Variants in GRIN2B observed in about 807,000 individuals in gnomAD.
GRIN2B encodes the protein glutamate receptor ionotropic, NMDA 2B.
A neutral mutation model predicts 114.5 loss-of-function variants in GRIN2B; 5 were observed. That is an observed-to-expected ratio of 0.04 (90% CI 0.02 to 0.09). The LOEUF is 0.09. Among genes scored for constraint, GRIN2B ranks in the 10% least tolerant of loss-of-function variants. The pLI, the probability that GRIN2B is intolerant of heterozygous loss-of-function variation, is 1.00. For synonymous variants in GRIN2B, 787 were observed against 745.1 expected (o/e 1.06, Z -0.92); for missense variants, 1,108 against 1,943.5 (o/e 0.57, Z 8.08).
At chr12:13,918,003 C>A (rs1034366212) in intron 2 of GRIN2B, among the ~76,000 whole-genome samples, 1 of 151,990 alleles carries the variant, frequency 6.6e-6, no homozygotes, top group African/African-American at 2.4e-5. Flanking sequence ...GGTCAGCTGG[C>A]AATATCAATG....
chr12:13,898,331 G>A (rs1035164285), intron 2 of GRIN2B, among the ~76,000 whole-genome samples: 1 of 152,218 alleles, frequency 6.6e-6, no homozygotes, highest in Non-Finnish European at 1.5e-5. Context: ...CCACTATGCT[G>A]TGTGATTTAC....
chr12:13,789,449 G>C (rs1864279920), intron 3 of GRIN2B, among the ~76,000 whole-genome samples: 1 of 152,124 alleles, frequency 6.6e-6, no homozygotes. Flanking sequence ...TGCATCCCCT[G>C]GGCAAGTTTT....
chr12:13,645,480 G>A (rs1177960455), intron 5 of GRIN2B, among the ~76,000 whole-genome samples: 2 of 152,090 alleles, frequency 1.3e-5, no homozygotes, highest in Admixed American at 6.6e-5. Context: ...ATGTGACACA[G>A]AGACATGAAG....
At chr12:13,884,572 T>C in intron 2 of GRIN2B, among the ~76,000 whole-genome samples, 1 of 152,206 alleles carries the variant, frequency 6.6e-6, no homozygotes, top group Non-Finnish European at 1.5e-5. Flanking sequence ...AATGATAATT[T>C]TTTTTCTCCT....
rs1272857057 is a variant in GRIN2B, at chr12:13,792,997, A to C, written c.412-39082T>G. Among the ~76,000 whole-genome samples, 6 of 152,352 alleles carry C rather than the reference A, an allele frequency of 3.9e-5. No individual in the cohort carries two copies. The East Asian group carries it at 1.2e-3, about 29-fold the overall frequency. On this transcript the variant is annotated intron_variant, in intron 3 of 13. Coordinates refer to ENST00000609686, the MANE Select transcript of GRIN2B (RefSeq NM_000834.5). ...ATCTGGACTCTTAGTAATATTATAC[A>C]ATCACAAAGTGGTGCAGCCTGGGGA...
chr12:13,552,103 C>T lies in GRIN2B; in HGVS notation c.*10680G>A, dbSNP rs533179718. ...GTCAGATTTCAGAGACTATGAATCTCTTACTGCAAGGGGGACAGATGGAGT... is the reference window on the plus strand; with the variant it reads ...GTCAGATTTCAGAGACTATGAATCTTTTACTGCAAGGGGGACAGATGGAGT... On this transcript the variant is annotated 3_prime_UTR_variant, in exon 14 of 14. Transcript: ENST00000609686. The T allele has an allele frequency of 6.6e-6, 1 of 152,274 alleles. No individual in the cohort carries two copies. Among genetic ancestry groups the T allele is most frequent in the African/African-American group, 2.4e-5 (1 of 41,534 alleles). 9.4% of individuals were successfully genotyped at this position (152,274 alleles called of 1,614,324 possible).
intron 4 of GRIN2B, among the ~76,000 whole-genome samples, chr12:13,752,525 A>T (rs1298880248): frequency 6.6e-6 from 1 of 152,214 alleles, no homozygotes; most frequent in African/African-American, 2.4e-5. Context: ...AATTTTTATA[A>T]TGTACTTACA....
At chr12:13,677,930 A>G (rs1351912671) in intron 4 of GRIN2B, among the ~76,000 whole-genome samples, 1 of 152,144 alleles carries the variant, frequency 6.6e-6, no homozygotes, top group Non-Finnish European at 1.5e-5. Flanking sequence ...AACTTGATGG[A>G]TTAAAAAACA....
chr12:13,671,008 T>C (rs993542558), intron 5 of GRIN2B, among the ~76,000 whole-genome samples: 5 of 151,950 alleles, frequency 3.3e-5, no homozygotes, highest in African/African-American at 1.2e-4. Flanking sequence ...TTCAGAGGAG[T>C]ACATAAGAAA....
chr12:13,979,000 C>G (rs1401140179), intron 2 of GRIN2B, among the ~76,000 whole-genome samples: 2 of 152,162 alleles, frequency 1.3e-5, no homozygotes, highest in Non-Finnish European at 2.9e-5. Flanking sequence ...CTAATACATG[C>G]AAACAGCACA....
chr12:13,611,972 T>C (rs1949370836), intron 8 of GRIN2B, 122 bp from the exon 9 acceptor site: 3 of 977,958 alleles, frequency 3.1e-6, no homozygotes, highest in Non-Finnish European at 4.9e-6. Flanking sequence ...TTGTCTGCCT[T>C]CAGGAAGCCA....
intron 4 of GRIN2B, among the ~76,000 whole-genome samples, chr12:13,705,311 C>A (rs751160478): frequency 6.6e-6 from 1 of 152,054 alleles, no homozygotes; most frequent in African/African-American, 2.4e-5. Flanking sequence ...ATCATCATGT[C>A]TATTATTTCA....
At chr12:13,687,612 G>C (rs1192150262) in intron 4 of GRIN2B, among the ~76,000 whole-genome samples, 2 of 152,146 alleles carry the variant, frequency 1.3e-5, no homozygotes, top group Non-Finnish European at 2.9e-5. Flanking sequence ...ACATGACCAA[G>C]TCCAAGCCAG....
chr12:13,818,643 G>A (rs535294138), intron 3 of GRIN2B, among the ~76,000 whole-genome samples: 1 of 152,110 alleles, frequency 6.6e-6, no homozygotes, highest in Non-Finnish European at 1.5e-5. Context: ...CAACTAAAAG[G>A]TGAGTAAAAA....
At chr12:13,684,737 T>C (rs1300653700) in intron 4 of GRIN2B, among the ~76,000 whole-genome samples, 2 of 152,200 alleles carry the variant, frequency 1.3e-5, no homozygotes, top group African/African-American at 4.8e-5. Flanking sequence ...GATTAGGTGT[T>C]CAGTATGTTG....
rs1417730145 is a variant in GRIN2B at position 13,550,358 on chromosome 12, A to G, written c.*12425T>C. On this transcript the variant is annotated 3_prime_UTR_variant, in exon 14 of 14. Transcript: ENST00000609686. ...GAGCTCAGTGCCTCTTTACATGGGA[A>G]TAAGCTAAAAATGCTCGAGAAATGA... 1.3e-5 allele frequency: 2 copies of G among 152,188 alleles called. No homozygotes were observed. Among genetic ancestry groups the G allele is most frequent in the Admixed American group, 1.3e-4 (2 of 15,282 alleles). 9.4% of individuals were successfully genotyped at this position (152,188 alleles called of 1,614,324 possible). A position where few individuals can be genotyped will look rare whatever the true frequency, so the allele number is the denominator to read the frequency against.
At chr12:13,795,202 T>C (rs1864396430) in intron 3 of GRIN2B, among the ~76,000 whole-genome samples, 1 of 152,112 alleles carries the variant, frequency 6.6e-6, no homozygotes, top group African/African-American at 2.4e-5. Context: ...AGAGAAAAAA[T>C]ATCTAACAAC....
At chr12:13,581,486 G>A (rs12308472) in intron 10 of GRIN2B, among the ~76,000 whole-genome samples, 52,322 of 151,980 alleles carry the variant, frequency 0.34, 9,580 homozygotes, top group Middle Eastern at 0.54. Flanking sequence ...GTCGGGCCCA[G>A]TGGGAGAAGA....
intron 5 of GRIN2B, among the ~76,000 whole-genome samples, chr12:13,673,315 G>A (rs1291189844): frequency 6.6e-6 from 1 of 152,120 alleles, no homozygotes; most frequent in African/African-American, 2.4e-5. Flanking sequence ...GAAGCCCAGG[G>A]TAGCTTAATT....
Sources: gnomAD v4.1 joint callset for allele counts (sites outside exome capture counted in the v4.1 genomes callset) on GRCh38, gnomAD v4.1.1 for gene constraint, MANE v1.5 for transcripts, NCBI Gene and HGNC (gene_info 2026-07-23, HGNC 2026-07-21) for gene names.